VTCN1: variants seen among roughly 807,000 people sequenced by gnomAD.
The protein encoded by VTCN1 is V-set domain-containing T-cell activation inhibitor 1.
VTCN1 carries 26 observed loss-of-function variants against 26.5 expected under a neutral mutation model. The observed-to-expected ratio is 0.98, with a 90% CI of 0.72 to 1.36. VTCN1 has a LOEUF of 1.36. Ranked by LOEUF, VTCN1 falls within the 40% of genes most tolerant of loss-of-function variation. The pLI, the probability that VTCN1 is intolerant of heterozygous loss-of-function variation, is 0.00. For missense variants in VTCN1, 298 were observed against 337.7 expected (o/e 0.88, Z 0.92); for synonymous variants, 116 against 130.7 (o/e 0.89, Z 0.77).
At position 117,147,543 on chromosome 1, in the gene VTCN1, T is replaced by G; in HGVS notation, c.*45+70A>C. On this transcript the variant is annotated intron_variant, in intron 5 of 5. Transcript: ENST00000369458. The surrounding 1 kb of genome is among the most constrained non-coding windows in gnomAD (Gnocchi z 4.6). Reference sequence around the variant, plus strand: ...TCTTTCTGTGGCTGATGCTGAAGGCTATCCGACTCTCATTAGGAGCACAAG... The same window carrying G: ...TCTTTCTGTGGCTGATGCTGAAGGCGATCCGACTCTCATTAGGAGCACAAG... 1.5e-6 allele frequency: 2 copies of G among 1,313,138 alleles called. No individual in the cohort carries two copies. Among genetic ancestry groups the G allele is most frequent in the Non-Finnish European group, 2.1e-6 (2 of 964,746 alleles). The allele number at this position is 1,313,138 out of a possible 1,614,324, so 81.3% of individuals were successfully genotyped here.
chr1:117,201,404 C>G (rs79971764), intron 1 of VTCN1, among the ~76,000 whole-genome samples: 1 of 152,152 alleles, frequency 6.6e-6, no homozygotes, highest in African/African-American at 2.4e-5. Context: ...CACAGTAACT[C>G]GGGATTATGG....
rs1466122884 is a variant in VTCN1 at position 117,147,053 on chromosome 1, A to G, written c.*45+560T>C. Among the ~76,000 whole-genome samples the G allele has an allele frequency of 1.3e-5, 2 of 152,188 alleles. No homozygotes were observed. The highest frequency in any genetic ancestry group is 1.3e-4 in the Admixed American group (2 of 15,278). ...CTTGGTGGGGATGCCACTGAGTAAT[A>G]TGGGAGTATCGACTGGAACTTCATG... On this transcript the variant is annotated intron_variant, in intron 5 of 5. Coordinates refer to ENST00000369458, the MANE Select transcript of VTCN1 (RefSeq NM_024626.4). This position sits in a 1 kb window ranked among gnomAD's most constrained non-coding sequence, Gnocchi z 4.6.
At chr1:117,152,505 TG>T (rs965171037) in intron 4 of VTCN1, among the ~76,000 whole-genome samples, 2 of 152,188 alleles carry the variant, frequency 1.3e-5, no homozygotes, top group African/African-American at 4.8e-5. Context: ...ACTAGGGTGC[TG>T]GGTCTTCTCA....
intron 1 of VTCN1, among the ~76,000 whole-genome samples, chr1:117,201,144 A>T (rs1052920895): frequency 6.6e-6 from 1 of 152,196 alleles, no homozygotes; most frequent in African/African-American, 2.4e-5. Context: ...TAAATGCACA[A>T]CTACAATATA....
intron 1 of VTCN1, among the ~76,000 whole-genome samples, chr1:117,206,479 T>A (rs1649078700): frequency 6.6e-6 from 1 of 152,214 alleles, no homozygotes; most frequent in South Asian, 2.1e-4. Context: ...GGTACTATTA[T>A]CTGCCCCATT....
chr1:117,208,878 C>T (rs532241299), intron 1 of VTCN1, among the ~76,000 whole-genome samples: 2 of 152,306 alleles, frequency 1.3e-5, no homozygotes, highest in East Asian at 1.9e-4. Context: ...ATGGCAGGCC[C>T]TTTCATGAGC....
rs959448865 is a variant in VTCN1 at position 117,203,680 on chromosome 1, A to G, written c.32+7144T>C. On this transcript the variant is annotated intron_variant, in intron 1 of 5. Coordinates refer to ENST00000369458, the MANE Select transcript of VTCN1 (RefSeq NM_024626.4). ...AGACCCATCTGTGGCTCTTTAGCACATTTCTTAAAGAAGAATGTGGAATGA... is the reference window on the plus strand; with the variant it reads ...AGACCCATCTGTGGCTCTTTAGCACGTTTCTTAAAGAAGAATGTGGAATGA... The G allele has an allele frequency of 5.1e-6, 5 of 985,306 alleles. No individual in the cohort carries two copies. The Admixed American group carries it at 1.8e-4, about 36-fold the overall frequency. 61.0% of individuals were successfully genotyped at this position (985,306 alleles called of 1,614,324 possible).
rs906145206 is a variant in VTCN1, at chr1:117,183,284, G to A, written c.33-13113C>T. ...GGAACATGCAAGGAACTTACCAAAT[G>A]CTTGTTGAATAAATGCCCCACCTTA... On this transcript the variant is annotated intron_variant, in intron 1 of 5. Transcript: ENST00000369458. The surrounding 1 kb of genome is among the most constrained non-coding windows in gnomAD (Gnocchi z 4.1). Among the ~76,000 whole-genome samples, 2 of 152,272 alleles carry A rather than the reference G, an allele frequency of 1.3e-5. No individual in the cohort carries two copies. The highest frequency in any genetic ancestry group is 3.9e-4 in the East Asian group (2 of 5,186).
rs903781067 is a variant in VTCN1 at position 117,175,067 on chromosome 1, TC to T, written c.33-4897del. Among the ~76,000 whole-genome samples, 2 of 152,032 alleles carry T rather than the reference TC, an allele frequency of 1.3e-5. No individual in the cohort carries two copies. Among genetic ancestry groups the T allele is most frequent in the African/African-American group, 4.8e-5 (2 of 41,278 alleles). On this transcript the variant is annotated intron_variant, in intron 1 of 5. Transcript: ENST00000369458. This position sits in a 1 kb window ranked among gnomAD's most constrained non-coding sequence, Gnocchi z 4.2. The stretch of plus-strand genomic sequence containing the variant: ...ATTCCTGAGGAGGGCCTGGTTCGAT[TC>T]CCTCACATGCCTGCTTCAGCTGCTG...
intron 1 of VTCN1, among the ~76,000 whole-genome samples, chr1:117,209,230 C>T (rs545910097): frequency 6.6e-6 from 1 of 152,160 alleles, no homozygotes; most frequent in Admixed American, 6.5e-5. Context: ...TTTTGAACAC[C>T]CACCTCCTGC....
chr1:117,148,871 G>A (rs960269217), intron 4 of VTCN1, among the ~76,000 whole-genome samples: 1 of 152,184 alleles, frequency 6.6e-6, no homozygotes, highest in African/African-American at 2.4e-5. Context: ...CCAGACTGGT[G>A]CAAGTCTCCT....
intron 1 of VTCN1, among the ~76,000 whole-genome samples, chr1:117,196,396 A>G (rs1431727885): frequency 6.8e-6 from 1 of 147,578 alleles, no homozygotes; most frequent in Non-Finnish European, 1.5e-5. Context: ...ATACATATAT[A>G]TATATATAGA....
At chr1:117,181,171 C>G (rs1222236686) in intron 1 of VTCN1, among the ~76,000 whole-genome samples, 8 of 150,998 alleles carry the variant, frequency 5.3e-5, no homozygotes, top group Admixed American at 1.3e-4. Context: ...AGTCCTAACA[C>G]TTTGGGAGGC....
chr1:117,172,478 C>G, intron 1 of VTCN1: 1 of 518,770 alleles, frequency 1.9e-6, no homozygotes. Context: ...TAGCGAGAGG[C>G]ACCATCTGCT....
In VTCN1 at chr1:117,159,359, A is replaced by G. The variant is rs1652252805; in HGVS notation, c.98-2438T>C. On this transcript the variant is annotated intron_variant, in intron 2 of 5. Coordinates refer to ENST00000369458, the MANE Select transcript of VTCN1 (RefSeq NM_024626.4). This position sits in a 1 kb window ranked among gnomAD's most constrained non-coding sequence, Gnocchi z 4.7. ...TCTTACATGGCAGTGGCAAGAGAAA[A>G]TGAGAAAGATGCAAAAGCAGAAACC... Among the ~76,000 whole-genome samples, 1 of 152,232 alleles carries G rather than the reference A, an allele frequency of 6.6e-6. No homozygotes were observed. Among genetic ancestry groups the G allele is most frequent in the South Asian group, 2.1e-4 (1 of 4,828 alleles).
intron 2 of VTCN1, among the ~76,000 whole-genome samples, chr1:117,157,240 T>C (rs544422804): frequency 2.4e-4 from 36 of 152,100 alleles, no homozygotes; most frequent in African/African-American, 8.7e-4. Flanking sequence ...CCATGTAACC[T>C]TCAGTAAGTC....
In VTCN1 at chr1:117,203,783, C is replaced by T. The variant is rs140286460; in HGVS notation, c.32+7041G>A. The T allele has an allele frequency of 3.1e-5, 31 of 985,340 alleles. No homozygotes were observed. The East Asian group carries it at 5.7e-4, about 18-fold the overall frequency. The allele number at this position is 985,340 out of a possible 1,614,324, so 61.0% of individuals were successfully genotyped here. A position where few individuals can be genotyped will look rare whatever the true frequency, so the allele number is the denominator to read the frequency against. Reference sequence around the variant, plus strand: ...TCTGGAGGAATCAGGGAGCACAGAGCGGCTGCTAATACAGAGAATCACCTG... The same window carrying T: ...TCTGGAGGAATCAGGGAGCACAGAGTGGCTGCTAATACAGAGAATCACCTG... On this transcript the variant is annotated intron_variant, in intron 1 of 5. Transcript: ENST00000369458.
At chr1:117,151,084 G>T (rs1328673880) in intron 4 of VTCN1, among the ~76,000 whole-genome samples, 1 of 152,062 alleles carries the variant, frequency 6.6e-6, no homozygotes, top group African/African-American at 2.4e-5. Flanking sequence ...GACCATGGGT[G>T]TTCAAATATC....
intron 1 of VTCN1, among the ~76,000 whole-genome samples, chr1:117,173,420 A>G (rs1213007280): frequency 6.6e-6 from 1 of 151,860 alleles, no homozygotes; most frequent in Non-Finnish European, 1.5e-5. Flanking sequence ...GCAGAGATCT[A>G]CAACTCAAGG....
Sources: gnomAD v4.1 joint callset for allele counts (sites outside exome capture counted in the v4.1 genomes callset) on GRCh38, gnomAD v4.1.1 for gene constraint, Gnocchi (gnomAD v3.1) non-coding constraint, MANE v1.5 for transcripts, NCBI Gene and HGNC (gene_info 2026-07-23, HGNC 2026-07-21) for gene names.